TBCK: variants seen among roughly 807,000 people sequenced by gnomAD.
The protein encoded by TBCK is TBC1 domain containing kinase.
TBCK carries 99 observed loss-of-function variants against 113.4 expected under a neutral mutation model. The ratio of observed to expected loss-of-function variants is 0.87; its 90% CI spans 0.74 to 1.03. The LOEUF (loss-of-function observed/expected upper bound fraction) is 1.03. TBCK is among the 50% of genes least tolerant of loss of function. TBCK has a pLI of 0.00. For missense variants in TBCK, 1,045 were observed against 1,061.3 expected (o/e 0.98, Z 0.21); for synonymous variants, 369 against 370.8 (o/e 1.00, Z 0.05).
chr4:106,171,209 A>C lies in TBCK; in HGVS notation c.2121T>G (p.Ser707Arg). The C allele has an allele frequency of 6.2e-7, 1 of 1,612,674 alleles. No homozygotes were observed. The highest frequency in any genetic ancestry group is 1.3e-5 in the African/African-American group (1 of 74,954). Reference sequence around the variant, plus strand: ...GTTGAGCATGCTGTCTGTAAGTAGCACTTTTAGGAGTCCAACAAAACAGGT... The same window carrying C: ...GTTGAGCATGCTGTCTGTAAGTAGCCCTTTTAGGAGTCCAACAAAACAGGT... The part of the protein sequence containing the change: ...SINLFCWTPK[S>R]ATYRQHAQPP... Residue 707 changes from serine (S) to arginine (R), a missense_variant, in exon 23 of 26, where the codon AGT becomes AGG. Transcript: ENST00000394708.
chr4:106,183,289 T>C (rs1156797682), intron 22 of TBCK, among the ~76,000 whole-genome samples: 1 of 151,940 alleles, frequency 6.6e-6, no homozygotes, highest in Non-Finnish European at 1.5e-5. Flanking sequence ...TATAAAATAA[T>C]ATCCAATTTC....
At chr4:106,120,638 C>T (rs1744206808) in intron 23 of TBCK, among the ~76,000 whole-genome samples, 3 of 152,194 alleles carry the variant, frequency 2.0e-5, no homozygotes, top group African/African-American at 7.2e-5. Context: ...CAGACTGTCT[C>T]CTCAGGTGGG....
rs1388351281 is a variant in TBCK, at chr4:106,190,176, G to C, written c.2059+3433C>G. Among the ~76,000 whole-genome samples the C allele has an allele frequency of 1.4e-4, 22 of 152,194 alleles. No individual in the cohort carries two copies. In the East Asian group the frequency reaches 3.5e-3, roughly 24 times the overall value. ...TCTAAGCCACTGTTTATAATGGAAAGATTACACATAAATCTTACAGTAACC... is the reference window on the plus strand; with the variant it reads ...TCTAAGCCACTGTTTATAATGGAAACATTACACATAAATCTTACAGTAACC... On this transcript the variant is annotated intron_variant, in intron 22 of 25. Coordinates refer to ENST00000394708, the MANE Select transcript of TBCK (RefSeq NM_001163435.3).
chr4:106,151,995 G>A (rs912262774), intron 23 of TBCK, among the ~76,000 whole-genome samples: 1 of 151,424 alleles, frequency 6.6e-6, no homozygotes, highest in African/African-American at 2.4e-5. Context: ...GAGTCTTTAG[G>A]TTTTTCCAAA....
intron 25 of TBCK, among the ~76,000 whole-genome samples, chr4:106,091,546 G>T (rs1306404701): frequency 6.6e-6 from 1 of 152,106 alleles, no homozygotes; most frequent in African/African-American, 2.4e-5. Flanking sequence ...TGGGTTCGTG[G>T]TCTCGCTGGC....
At chr4:106,129,228 C>T (rs1001263225) in intron 23 of TBCK, among the ~76,000 whole-genome samples, 3 of 152,094 alleles carry the variant, frequency 2.0e-5, no homozygotes, top group Non-Finnish European at 4.4e-5. Flanking sequence ...TTTGCTGCAC[C>T]TATTGACCCA....
At chr4:106,087,656 G>A (rs947467858) in intron 25 of TBCK, among the ~76,000 whole-genome samples, 2 of 152,164 alleles carry the variant, frequency 1.3e-5, no homozygotes, top group African/African-American at 2.4e-5. Context: ...CAAAATTGGA[G>A]GCATCATGCT....
intron 6 of TBCK, chr4:106,251,062 G>C (rs1761372058): frequency 3.9e-6 from 1 of 255,332 alleles, no homozygotes; most frequent in Non-Finnish European, 8.1e-6. Flanking sequence ...ATAAGGTCTG[G>C]AGTCAAACAC....
intron 1 of TBCK, chr4:106,310,090 A>G (rs1402194718): frequency 6.6e-6 from 1 of 152,242 alleles, no homozygotes; most frequent in African/African-American, 2.4e-5. Flanking sequence ...AAGACATTCT[A>G]CTGGTAAAGC....
intron 25 of TBCK, among the ~76,000 whole-genome samples, chr4:106,081,145 C>G (rs1055030950): frequency 1.6e-4 from 24 of 152,106 alleles, no homozygotes; most frequent in African/African-American, 4.3e-4. Flanking sequence ...GATCTAGAAG[C>G]AAAAATACCA....
At chr4:106,212,860 T>C (rs748829066) in intron 19 of TBCK, 25 bp from the exon 20 acceptor site, 3 of 1,486,070 alleles carry the variant, frequency 2.0e-6, no homozygotes, top group Non-Finnish European at 2.8e-6. Flanking sequence ...TTTGAGACAA[T>C]CATCATTTTT....
intron 25 of TBCK, among the ~76,000 whole-genome samples, chr4:106,092,522 G>T (rs1380056383): frequency 6.6e-6 from 1 of 152,248 alleles, no homozygotes; most frequent in Admixed American, 6.5e-5. Flanking sequence ...GGCATGGTGG[G>T]CTGCAGGTCC....
intron 20 of TBCK, among the ~76,000 whole-genome samples, chr4:106,199,821 T>C (rs1438695928): frequency 6.6e-6 from 1 of 152,162 alleles, no homozygotes; most frequent in Non-Finnish European, 1.5e-5. Context: ...CGAGCCAACA[T>C]TATCTCTTGC....
At chr4:106,255,110 A>C (rs1256784516) in intron 5 of TBCK, 2 of 246,386 alleles carry the variant, frequency 8.1e-6, no homozygotes, top group East Asian at 2.9e-4. Flanking sequence ...ACATCTTTAC[A>C]ATACTAACCC....
At chr4:106,134,026 C>CAAAAAAAAAAAAAAAA (rs546489016) in intron 23 of TBCK, among the ~76,000 whole-genome samples, 1 of 118,608 alleles carries the variant, frequency 8.4e-6, no homozygotes. Flanking sequence ...AAAACAAAAA[C>CAAAAAAAAAAAAAAAA]AAAAAAAAAA....
At chr4:106,144,247 T>C (rs1338930874) in intron 23 of TBCK, among the ~76,000 whole-genome samples, 1 of 152,214 alleles carries the variant, frequency 6.6e-6, no homozygotes, top group African/African-American at 2.4e-5. Context: ...GAAATTGATA[T>C]AAAATGATAA....
chr4:106,137,021 C>A lies in TBCK; in HGVS notation c.2236-20643G>T, dbSNP rs149416870. ...GGTTGATTAGAAAAAAAGATATTAA[C>A]AGTGACAGATGGCAGATAAAGGGAA... On this transcript the variant is annotated intron_variant, in intron 23 of 25. Coordinates refer to ENST00000394708, the MANE Select transcript of TBCK (RefSeq NM_001163435.3). Among the ~76,000 whole-genome samples the A allele has an allele frequency of 5.0e-5, 7 of 140,732 alleles. 1 individual carries two copies. The East Asian group carries it at 1.4e-3, about 29-fold the overall frequency. 92.3% of individuals were successfully genotyped at this position (140,732 alleles called of 152,430 possible).
intron 19 of TBCK, among the ~76,000 whole-genome samples, chr4:106,217,903 ATCGCCAAG>A (rs1184928655): frequency 2.1e-5 from 3 of 145,654 alleles, no homozygotes; most frequent in Non-Finnish European, 4.6e-5. Context: ...AAGAGCCCGC[ATCGCCAAG>A]TCAATCCTAA....
intron 19 of TBCK, among the ~76,000 whole-genome samples, chr4:106,222,342 A>G (rs1388503019): frequency 1.3e-5 from 2 of 152,096 alleles, no homozygotes; most frequent in African/African-American, 4.8e-5. Flanking sequence ...ACAATCCCCA[A>G]TAAATTTATT....
Sources: allele counts gnomAD v4.1 joint callset (sites outside exome capture counted in the v4.1 genomes callset), GRCh38; gene constraint gnomAD v4.1.1; transcripts MANE v1.5; gene names NCBI Gene and HGNC (gene_info 2026-07-23, HGNC 2026-07-21).